The following DLG2 variants were observed in gnomAD, a reference collection of about 807,000 sequenced individuals.
DLG2 encodes disks large homolog 2.
Under a neutral mutation model 132.5 loss-of-function variants are expected in DLG2, and 45 were observed. That is an observed-to-expected ratio of 0.34 (90% CI 0.27 to 0.44). The LOEUF is 0.44. DLG2 is among the 20% of genes least tolerant of loss of function. The pLI is 1.00. For synonymous variants in DLG2, 424 were observed against 419.6 expected (o/e 1.01, Z -0.13); for missense variants, 1,045 against 1,196.9 (o/e 0.87, Z 1.87).
intron 2 of DLG2, among the ~76,000 whole-genome samples, chr11:85,606,498 C>G (rs2080552906): frequency 6.6e-6 from 1 of 152,092 alleles, no homozygotes; most frequent in Non-Finnish European, 1.5e-5. Flanking sequence ...GTAAAACGGA[C>G]CAATCAGCAC....
intron 7 of DLG2, among the ~76,000 whole-genome samples, chr11:84,392,237 C>G (rs947780765): frequency 6.6e-6 from 1 of 152,104 alleles, no homozygotes; most frequent in Non-Finnish European, 1.5e-5. Context: ...TTGTTTTCCC[C>G]GCTAGCGTGC....
chr11:84,233,045 A>G (rs767787796), intron 8 of DLG2, among the ~76,000 whole-genome samples: 17 of 152,200 alleles, frequency 1.1e-4, no homozygotes, highest in Non-Finnish European at 1.5e-4. Flanking sequence ...AGCACCTTTC[A>G]GTTTCCTTAG....
intron 5 of DLG2, among the ~76,000 whole-genome samples, chr11:85,136,217 T>G (rs1170708250): frequency 6.6e-6 from 1 of 152,320 alleles, no homozygotes; most frequent in Admixed American, 6.5e-5. Flanking sequence ...AGTACAAGTA[T>G]ACTGTAAATG....
At chr11:85,485,509 T>C (rs576059454) in intron 3 of DLG2, among the ~76,000 whole-genome samples, 36 of 152,238 alleles carry the variant, frequency 2.4e-4, no homozygotes, top group African/African-American at 8.4e-4. Flanking sequence ...ACACTTTGAA[T>C]AGATCATCTA....
At position 85,117,611 on chromosome 11, in the gene DLG2, G is replaced by GA. The variant is rs11317554; in HGVS notation, c.283-5877dup. Among the ~76,000 whole-genome samples the GA allele has an allele frequency of 7.9e-3, 956 of 120,252 alleles. 9 individuals carry two copies. Among genetic ancestry groups the GA allele is most frequent in the South Asian group, 0.033 (121 of 3,702 alleles). 78.9% of individuals were successfully genotyped at this position (120,252 alleles called of 152,430 possible). A position where few individuals can be genotyped will look rare whatever the true frequency, so the allele number is the denominator to read the frequency against. ...TAACCAACTAGTAAATAGGTAAATA[G>GA]AAAAAAAAAAAAAAGTAATCGTAAA... On this transcript the variant is annotated intron_variant, in intron 5 of 27. Coordinates refer to ENST00000376104, the MANE Select transcript of DLG2 (RefSeq NM_001142699.3).
rs560246638 is a variant in DLG2 at position 84,740,663 on chromosome 11, C to T, written c.358-205932G>A. 3.3e-5 allele frequency among the ~76,000 whole-genome samples: 5 copies of T among 152,282 alleles called. No individual in the cohort carries two copies. In the East Asian group the frequency reaches 9.7e-4, roughly 29 times the overall value. On this transcript the variant is annotated intron_variant, in intron 6 of 27. Coordinates refer to ENST00000376104, the MANE Select transcript of DLG2 (RefSeq NM_001142699.3). ...CAGTGGCTGAACACCACAACTCCAG[C>T]GGTGCAGAGCCTGAACCCAGAATCA... is the stretch of plus-strand genomic sequence containing the variant.
intron 9 of DLG2, among the ~76,000 whole-genome samples, chr11:84,145,825 A>G (rs745708060): frequency 2.6e-5 from 4 of 152,166 alleles, no homozygotes; most frequent in Non-Finnish European, 4.4e-5. Flanking sequence ...AGCTAAATGC[A>G]TTTTGTGCCG....
intron 6 of DLG2, among the ~76,000 whole-genome samples, chr11:84,576,958 G>T (rs551116341): frequency 4.6e-5 from 7 of 152,094 alleles, no homozygotes; most frequent in African/African-American, 1.7e-4. Flanking sequence ...CAGAATTCCC[G>T]TGTGTTGTGG....
chr11:84,870,352 C>T (rs1215146339), intron 6 of DLG2, among the ~76,000 whole-genome samples: 23 of 152,158 alleles, frequency 1.5e-4, no homozygotes, highest in Admixed American at 1.5e-3. Flanking sequence ...CTCTTCCTCT[C>T]ATTTTCTTTC....
At chr11:83,918,268 A>C (rs969882697) in intron 15 of DLG2, among the ~76,000 whole-genome samples, 5 of 152,182 alleles carry the variant, frequency 3.3e-5, no homozygotes, top group Admixed American at 3.3e-4. Flanking sequence ...CAGGAGAGAC[A>C]ACTAGCATTG....
At chr11:84,031,773 C>T (rs931145213) in intron 11 of DLG2, among the ~76,000 whole-genome samples, 2 of 152,144 alleles carry the variant, frequency 1.3e-5, no homozygotes, top group Non-Finnish European at 2.9e-5. Flanking sequence ...TTCACAGATA[C>T]CACATTTTTT....
chr11:84,402,611 G>T (rs934480979), intron 7 of DLG2, among the ~76,000 whole-genome samples: 1 of 151,910 alleles, frequency 6.6e-6, no homozygotes, highest in Non-Finnish European at 1.5e-5. Context: ...CAGGTGCGGG[G>T]CTCACGCCTG....
chr11:84,012,623 A>T (rs1482187792), intron 11 of DLG2, among the ~76,000 whole-genome samples: 5 of 152,170 alleles, frequency 3.3e-5, no homozygotes, highest in Non-Finnish European at 7.4e-5. Flanking sequence ...GAGTTTCAAA[A>T]CAGAGTCTGT....
At chr11:84,230,988 T>G (rs993940140) in intron 8 of DLG2, among the ~76,000 whole-genome samples, 1 of 152,340 alleles carries the variant, frequency 6.6e-6, no homozygotes, top group South Asian at 2.1e-4. Context: ...CCTCAGAATA[T>G]ACATTGTCTT....
intron 25 of DLG2, among the ~76,000 whole-genome samples, chr11:83,467,777 A>G (rs1028210231): frequency 0.035 from 1,625 of 45,840 alleles, 53 homozygotes; most frequent in East Asian, 0.057. Flanking sequence ...ATATGTATAT[A>G]TATATATATA....
At chr11:83,581,046 G>A (rs1216774086) in intron 19 of DLG2, among the ~76,000 whole-genome samples, 1 of 151,452 alleles carries the variant, frequency 6.6e-6, no homozygotes, top group Non-Finnish European at 1.5e-5. Context: ...CACTCTGAGA[G>A]ACAAGTTTGC....
chr11:85,188,171 A>C (rs1009732348), intron 4 of DLG2, among the ~76,000 whole-genome samples: 1 of 152,188 alleles, frequency 6.6e-6, no homozygotes, highest in Non-Finnish European at 1.5e-5. Flanking sequence ...CAAACCAAAC[A>C]CAGATCCATC....
At chr11:84,599,830 A>G (rs924393052) in intron 6 of DLG2, among the ~76,000 whole-genome samples, 5 of 151,964 alleles carry the variant, frequency 3.3e-5, no homozygotes, top group Admixed American at 2.6e-4. Flanking sequence ...CCAGGAGTTC[A>G]AGATCAGCCA....
intron 6 of DLG2, among the ~76,000 whole-genome samples, chr11:84,539,942 A>G (rs1245473185): frequency 6.6e-6 from 1 of 152,234 alleles, no homozygotes; most frequent in African/African-American, 2.4e-5. Context: ...AAATGGGGAA[A>G]GGATGCCCTA....
Sources: allele counts gnomAD v4.1 joint callset (sites outside exome capture counted in the v4.1 genomes callset), GRCh38; gene constraint gnomAD v4.1.1; transcripts MANE v1.5; gene names NCBI Gene and HGNC (gene_info 2026-07-23, HGNC 2026-07-21).